FAAP24: variants seen among roughly 807,000 people sequenced by gnomAD.
The protein encoded by FAAP24 is Fanconi anemia core complex-associated protein 24.
Under a neutral mutation model 14.3 loss-of-function variants are expected in FAAP24, and 16 were observed. That is an observed-to-expected ratio of 1.12 (90% confidence interval 0.76 to 1.69). The LOEUF is 1.69. Ranked by LOEUF, FAAP24 falls within the 40% of genes most tolerant of loss-of-function variation. The pLI is 0.00. For synonymous variants in FAAP24, 111 were observed against 106.2 expected (o/e 1.04, Z -0.28); for missense variants, 234 against 262.7 (o/e 0.89, Z 0.75).
At chr19:32,975,000 C>T (rs978230560) in intron 4 of FAAP24, among the ~76,000 whole-genome samples, 11 of 151,740 alleles carry the variant, frequency 7.2e-5, no homozygotes, top group South Asian at 4.2e-4. Context: ...CTCAGCCTCC[C>T]GAGTAGCTGG....
At chr19:32,973,136 G>T in intron 1 of FAAP24, 48 bp from the exon 2 acceptor site, 1 of 1,459,430 alleles carries the variant, frequency 6.9e-7, no homozygotes, top group Non-Finnish European at 9.6e-7. Flanking sequence ...ATGCAGGGCC[G>T]TGTGCAGGAG....
chr19:32,973,155 C>G, intron 1 of FAAP24, 29 bp from the exon 2 acceptor site: 3 of 1,590,474 alleles, frequency 1.9e-6, no homozygotes, highest in Non-Finnish European at 2.6e-6. Flanking sequence ...AGAGCCTGCT[C>G]AAGTGCCGCC....
intron 4 of FAAP24, among the ~76,000 whole-genome samples, chr19:32,974,821 C>G (rs1176564186): frequency 6.6e-6 from 1 of 151,886 alleles, no homozygotes; most frequent in Non-Finnish European, 1.5e-5. Flanking sequence ...TAACTAGAAG[C>G]TGCTTTGTCT....
At chr19:32,973,328 C>T in intron 2 of FAAP24, 26 bp downstream of exon 2, 1 of 1,611,870 alleles carries the variant, frequency 6.2e-7, no homozygotes, top group East Asian at 2.2e-5. Flanking sequence ...TCTGCCAGCC[C>T]TTTCCTCCCC....
Position 32,976,778 on chromosome 19 carries a change from T to G in FAAP24, c.*96T>G. The G allele has an allele frequency of 7.5e-6, 11 of 1,474,690 alleles. No homozygotes were observed. The highest frequency in any genetic ancestry group is 1.0e-5 in the Non-Finnish European group (11 of 1,089,340). The allele number at this position is 1,474,690 out of a possible 1,614,324, so 91.4% of individuals were successfully genotyped here. A position where few individuals can be genotyped will look rare whatever the true frequency, so the allele number is the denominator to read the frequency against. The stretch of plus-strand genomic sequence containing the variant: ...AACCAAGAGAATGGGCCGGGTGCAC[T>G]GGCTCACGCCTCTAATCTCAGCACT... On this transcript the variant is annotated 3_prime_UTR_variant, in exon 5 of 5. Transcript: ENST00000588258.
chr19:32,977,519 C>A lies in FAAP24; in HGVS notation c.*837C>A. On this transcript the variant is annotated 3_prime_UTR_variant, in exon 5 of 5. Coordinates refer to ENST00000588258, the MANE Select transcript of FAAP24 (RefSeq NM_152266.5). ...CAGTTCCTTCCTCCTTTCCTTTGTT[C>A]CTCCCTCCCCCCGGCCTTTTTTTTT... is the stretch of plus-strand genomic sequence containing the variant. The A allele has an allele frequency of 2.5e-6, 1 of 398,362 alleles. No individual in the cohort carries two copies. Among genetic ancestry groups the A allele is most frequent in the South Asian group, 1.3e-4 (1 of 7,724 alleles). The allele number at this position is 398,362 out of a possible 1,614,324, so 24.7% of individuals were successfully genotyped here.
intron 4 of FAAP24, among the ~76,000 whole-genome samples, chr19:32,976,097 G>A (rs1971512857): frequency 6.6e-6 from 1 of 152,214 alleles, no homozygotes; most frequent in African/African-American, 2.4e-5. Context: ...CCTGCGTGAA[G>A]TAGGCCTAGT....
rs779119607 is a variant in FAAP24, at chr19:32,976,384, A to G, written c.397-47A>G. 70 of 1,551,256 alleles carry G rather than the reference A, an allele frequency of 4.5e-5. 1 individual carries two copies. In the South Asian group the frequency reaches 7.8e-4, roughly 17 times the overall value. ...CAAAACATATTTTAAGAAAACGGCC[A>G]GTCCTCCAGAGGGCGCTCACGTGCT... On this transcript the variant is annotated intron_variant, in intron 4 of 4. Coordinates refer to ENST00000588258, the MANE Select transcript of FAAP24 (RefSeq NM_152266.5).
At chr19:32,973,132 G>A in intron 1 of FAAP24, 52 bp from the exon 2 acceptor site, 4 of 1,423,418 alleles carry the variant, frequency 2.8e-6, no homozygotes, top group Middle Eastern at 2.5e-4. Context: ...TGGAATGCAG[G>A]GCCGTGTGCA....
chr19:32,976,819 C>T lies in FAAP24; in HGVS notation c.*137C>T. The T allele has an allele frequency of 8.9e-7, 1 of 1,123,988 alleles. No individual in the cohort carries two copies. The highest frequency in any genetic ancestry group is 1.2e-6 in the Non-Finnish European group (1 of 807,786). 69.6% of individuals were successfully genotyped at this position (1,123,988 alleles called of 1,614,324 possible). ...TCTCAGCACTTTGGGAGGCCGAAGA[C>T]AGCGGATCATCTGAGGTCAGGAGTT... On this transcript the variant is annotated 3_prime_UTR_variant, in exon 5 of 5. Transcript: ENST00000588258.
At chr19:32,974,706 C>G (rs1568304513) in intron 4 of FAAP24, among the ~76,000 whole-genome samples, 1 of 152,026 alleles carries the variant, frequency 6.6e-6, no homozygotes. Flanking sequence ...ATCACCTGAA[C>G]TGAGGAGGTG....
rs567764436 is a variant in FAAP24 at position 32,977,192 on chromosome 19, G to A, written c.*510G>A. 19 of 400,524 alleles carry A rather than the reference G, an allele frequency of 4.7e-5. No individual in the cohort carries two copies. Among genetic ancestry groups the A allele is most frequent in the African/African-American group, 3.9e-4 (19 of 48,758 alleles). The allele number at this position is 400,524 out of a possible 1,614,324, so 24.8% of individuals were successfully genotyped here. On this transcript the variant is annotated 3_prime_UTR_variant, in exon 5 of 5. Coordinates refer to ENST00000588258, the MANE Select transcript of FAAP24 (RefSeq NM_152266.5). ...AAGTTAGTGGGCCGCAGAGGGCACT[G>A]CCTTCATTCTGCTAAGACGAAAAGG...
chr19:32,972,725 T>TTTTTC (rs1971451700), intron 1 of FAAP24, among the ~76,000 whole-genome samples: 1 of 145,250 alleles, frequency 6.9e-6, no homozygotes. Flanking sequence ...CTTTTTTTTT[T>TTTTTC]TTTTTTTTGA....
In FAAP24 at chr19:32,976,702, G is replaced by A. The variant is rs368291818; in HGVS notation, c.*20G>A. ...AGGTGAGGGCTGGCCTCAGGGCCAC[G>A]GCATCTTCTCCTGAGACCACAAACA... On this transcript the variant is annotated 3_prime_UTR_variant, in exon 5 of 5. Coordinates refer to ENST00000588258, the MANE Select transcript of FAAP24 (RefSeq NM_152266.5). 1.7e-5 allele frequency: 28 copies of A among 1,610,812 alleles called. No individual in the cohort carries two copies. Among genetic ancestry groups the A allele is most frequent in the Non-Finnish European group, 2.1e-5 (25 of 1,177,980 alleles).
In FAAP24 at chr19:32,973,236, G is replaced by T; in HGVS notation, c.40G>T (p.Val14Leu). ...CCCTGATGATACGGGCCCCGTGCAC[G>T]TGCCTTTGGGGCATATTGTGGCCAA... Reference protein sequence around the residue: ...NPPDDTGPVHVPLGHIVANEK... With the variant: ...NPPDDTGPVHLPLGHIVANEK... The change falls in exon 2 of 5, where the codon GTG becomes TTG. Residue 14 changes from valine (V) to leucine (L), a missense_variant. By Grantham distance (32) the Val-to-Leu change is conservative. Coordinates refer to ENST00000588258, the MANE Select transcript of FAAP24 (RefSeq NM_152266.5). 1.2e-6 allele frequency: 2 copies of T among 1,614,022 alleles called. No homozygotes were observed. Among genetic ancestry groups the T allele is most frequent in the Non-Finnish European group, 1.7e-6 (2 of 1,180,028 alleles).
chr19:32,972,718 T>TTC (rs1269764141), intron 1 of FAAP24, among the ~76,000 whole-genome samples: 40 of 140,794 alleles, frequency 2.8e-4, no homozygotes, highest in African/African-American at 1.0e-3. Context: ...TTCTTTTCTT[T>TTC]TTTTTTTTTT....
rs2145992462 is a variant in FAAP24, at chr19:32,976,445, C to G, written c.411C>G (p.Thr137=). ...CLVIQLVQEQ[T]KEPSKNPLLG... ...TTGTGGTTCAGGTTCAAGAGCAAACCAAAGAGCCCAGTAAGAACCCTCTTC... is the reference window on the plus strand; with the variant it reads ...TTGTGGTTCAGGTTCAAGAGCAAACGAAAGAGCCCAGTAAGAACCCTCTTC... The change falls in exon 5 of 5, where the codon ACC becomes ACG. Residue 137 remains threonine, a synonymous_variant. Transcript: ENST00000588258. 1.9e-6 allele frequency: 3 copies of G among 1,613,730 alleles called. No homozygotes were observed. Among genetic ancestry groups the G allele is most frequent in the Middle Eastern group, 1.6e-4 (1 of 6,062 alleles).
At chr19:32,973,332 C>T (rs754027420) in intron 2 of FAAP24, 30 bp downstream of exon 2, 1 of 1,610,554 alleles carries the variant, frequency 6.2e-7, no homozygotes, top group East Asian at 2.2e-5. Context: ...CCAGCCCTTT[C>T]CTCCCCTGAC....
At position 32,974,065 on chromosome 19, in the gene FAAP24, TA is replaced by T; in HGVS notation, c.251del (p.Asn84IlefsTer6). ...KRLVRVRNSN[N>X]LKGIVVVEKT... ...CTGTCTTTTTTCCTTTCAAGTCCAA[TA>T]ATCTTAAAGGAATTGTAGTCGTTGA... is the stretch of plus-strand genomic sequence containing the variant. On this transcript the variant is annotated frameshift_variant, in exon 4 of 5. Coordinates refer to ENST00000588258, the MANE Select transcript of FAAP24 (RefSeq NM_152266.5). LOFTEE classifies it high-confidence loss of function. The T allele has an allele frequency of 6.2e-7, 1 of 1,613,090 alleles. No homozygotes were observed. The highest frequency in any genetic ancestry group is 8.5e-7 in the Non-Finnish European group (1 of 1,179,798).
Sources: gnomAD v4.1 joint callset for allele counts (sites outside exome capture counted in the v4.1 genomes callset) on GRCh38, gnomAD v4.1.1 for gene constraint, MANE v1.5 for transcripts, NCBI Gene and HGNC (gene_info 2026-07-23, HGNC 2026-07-21) for gene names.